TPST1: variants seen among roughly 807,000 people sequenced by gnomAD.
The protein encoded by TPST1 is protein-tyrosine sulfotransferase 1.
A neutral mutation model predicts 34.8 loss-of-function variants in TPST1; 20 were observed. The ratio of observed to expected loss-of-function variants is 0.57; its 90% CI spans 0.40 to 0.84. TPST1 has a LOEUF of 0.84. Among genes scored for constraint, TPST1 ranks in the 40% least tolerant of loss-of-function variants. The pLI is 0.00. For synonymous variants in TPST1, 152 were observed against 159.4 expected (o/e 0.95, Z 0.35); for missense variants, 353 against 455.5 (o/e 0.78, Z 2.05).
intron 3 of TPST1, among the ~76,000 whole-genome samples, chr7:66,321,800 C>T (rs1791763300): frequency 1.3e-5 from 2 of 152,172 alleles, no homozygotes; most frequent in Admixed American, 6.5e-5. Flanking sequence ...ATTGATATCT[C>T]ATTTTGGTTT....
intron 5 of TPST1, among the ~76,000 whole-genome samples, chr7:66,358,559 T>C (rs1405303193): frequency 6.6e-6 from 1 of 152,304 alleles, no homozygotes; most frequent in Middle Eastern, 3.4e-3. Flanking sequence ...ACAGGTTGAA[T>C]GTGACTTGCG....
At chr7:66,325,433 G>A (rs750254381) in intron 3 of TPST1, among the ~76,000 whole-genome samples, 69 of 151,780 alleles carry the variant, frequency 4.5e-4, no homozygotes, top group Non-Finnish European at 8.5e-4. Context: ...ACATTTTAAA[G>A]TGTAATTAAG....
chr7:66,241,587 A>G (rs1388543227), intron 2 of TPST1, among the ~76,000 whole-genome samples: 1 of 152,208 alleles, frequency 6.6e-6, no homozygotes. Context: ...TCAGACCTTA[A>G]TGCCAATCAT....
At chr7:66,214,725 G>A (rs1441484093) in intron 1 of TPST1, among the ~76,000 whole-genome samples, 1 of 150,924 alleles carries the variant, frequency 6.6e-6, no homozygotes, top group Non-Finnish European at 1.5e-5. Context: ...GCTGAGGCAG[G>A]AGGATCTCTT....
At chr7:66,254,002 CAA>C (rs60795420) in intron 2 of TPST1, among the ~76,000 whole-genome samples, 16 of 113,560 alleles carry the variant, frequency 1.4e-4, no homozygotes, top group Admixed American at 2.8e-4. Context: ...GACTCTGTTT[CAA>C]AAAAAAAAAA....
rs561042191 is a variant in TPST1 at position 66,260,403 on chromosome 7, G to A, written c.845+19133G>A. Among the ~76,000 whole-genome samples, 417 of 152,266 alleles carry A rather than the reference G, an allele frequency of 2.7e-3. 1 individual carries two copies. The highest frequency in any genetic ancestry group is 4.3e-3 in the Non-Finnish European group (292 of 68,024). ...GAATGTCACAAAATTTCGTATTTTG[G>A]AGCATTTCAGATTTTTAGATTAGGG... On this transcript the variant is annotated intron_variant, in intron 2 of 5. Coordinates refer to ENST00000304842, the MANE Select transcript of TPST1 (RefSeq NM_003596.4).
At chr7:66,251,517 G>A (rs375911385) in intron 2 of TPST1, among the ~76,000 whole-genome samples, 1 of 152,168 alleles carries the variant, frequency 6.6e-6, no homozygotes, top group South Asian at 2.1e-4. Context: ...ACATGCTCCT[G>A]TAAGCTTGTT....
chr7:66,274,383 C>T (rs539842163), intron 2 of TPST1, among the ~76,000 whole-genome samples: 191 of 151,352 alleles, frequency 1.3e-3, no homozygotes, highest in Middle Eastern at 3.4e-3. Flanking sequence ...AAAAAAAGAT[C>T]CACTCGGCCT....
intron 1 of TPST1, among the ~76,000 whole-genome samples, chr7:66,221,267 T>C (rs377506367): frequency 6.6e-4 from 100 of 152,242 alleles, no homozygotes; most frequent in African/African-American, 2.3e-3. Flanking sequence ...TGATTTTTTT[T>C]CCGTAATTAT....
At chr7:66,246,649 G>T (rs1047788814) in intron 2 of TPST1, among the ~76,000 whole-genome samples, 6 of 152,194 alleles carry the variant, frequency 3.9e-5, no homozygotes, top group Non-Finnish European at 8.8e-5. Flanking sequence ...AAATAACAAA[G>T]ATTTCCAAAT....
chr7:66,352,427 G>A (rs1370514094), intron 3 of TPST1, 78 bp from the exon 4 acceptor site: 10 of 1,551,614 alleles, frequency 6.4e-6, no homozygotes, highest in South Asian at 3.8e-5. Context: ...ACCCGGCCAC[G>A]GTCAGGCATG....
intron 3 of TPST1, among the ~76,000 whole-genome samples, chr7:66,299,652 T>A (rs1414578951): frequency 6.6e-6 from 1 of 152,184 alleles, no homozygotes; most frequent in Non-Finnish European, 1.5e-5. Context: ...CCCTTCTTTT[T>A]CTGTGTCCAG....
chr7:66,216,532 C>T (rs1310932440), intron 1 of TPST1, among the ~76,000 whole-genome samples: 6 of 151,068 alleles, frequency 4.0e-5, no homozygotes, highest in South Asian at 2.1e-4. Context: ...TGTAGTGGCG[C>T]GATCTTGGCT....
intron 3 of TPST1, among the ~76,000 whole-genome samples, chr7:66,299,334 GTT>G (rs1297078665): frequency 8.5e-6 from 1 of 117,884 alleles, no homozygotes; most frequent in Non-Finnish European, 1.8e-5. Flanking sequence ...AAATGTGTTT[GTT>G]TTTTTTTTAA....
intron 1 of TPST1, among the ~76,000 whole-genome samples, chr7:66,239,168 TA>T (rs1754537624): frequency 6.6e-6 from 1 of 152,180 alleles, no homozygotes. Context: ...TTTTCTTTCT[TA>T]AAGAGACAGG....
chr7:66,292,723 C>T (rs1452913155), intron 3 of TPST1, among the ~76,000 whole-genome samples: 6 of 140,774 alleles, frequency 4.3e-5, no homozygotes, highest in South Asian at 2.4e-4. Context: ...GGCTCGCGCA[C>T]GGTGCGCACA....
intron 1 of TPST1, among the ~76,000 whole-genome samples, chr7:66,211,044 G>A (rs549349444): frequency 9.4e-6 from 1 of 106,334 alleles, no homozygotes; most frequent in Non-Finnish European, 2.0e-5. Context: ...ATAGTTTCTT[G>A]CTTTCCTGGT....
intron 3 of TPST1, among the ~76,000 whole-genome samples, chr7:66,292,614 C>T (rs1268719369): frequency 8.6e-6 from 1 of 115,782 alleles, no homozygotes; most frequent in South Asian, 2.9e-4. Flanking sequence ...GGGAGTGACC[C>T]GATTTTCCAG....
Position 66,286,665 on chromosome 7 carries a change from A to G in TPST1, c.1000A>G (p.Asn334Asp), listed in dbSNP as rs2115938222. ...ATATGACCCATATGCCAACCCACCT[A>G]ACTACGGAAAACCTGATCCCAAAAT... The part of the protein sequence containing the change: ...LGYDPYANPP[N>D]YGKPDPKIIE... Residue 334 changes from asparagine (N) to aspartate (D), a missense_variant, in exon 3 of 6, where the codon AAC (asparagine) becomes GAC (aspartate). Coordinates refer to ENST00000304842, the MANE Select transcript of TPST1 (RefSeq NM_003596.4). The G allele has an allele frequency of 6.3e-7, 1 of 1,592,506 alleles. No homozygotes were observed. Among genetic ancestry groups the G allele is most frequent in the East Asian group, 2.3e-5 (1 of 43,360 alleles).
Sources: gnomAD v4.1 joint callset for allele counts (sites outside exome capture counted in the v4.1 genomes callset) on GRCh38, gnomAD v4.1.1 for gene constraint, MANE v1.5 for transcripts, NCBI Gene and HGNC (gene_info 2026-07-23, HGNC 2026-07-21) for gene names.